The following ST6GALNAC5 variants were observed in gnomAD, a reference collection of about 807,000 sequenced individuals.
The protein encoded by ST6GALNAC5 is alpha-N-acetylgalactosaminide alpha-2,6-sialyltransferase 5.
Under a neutral mutation model 33.6 loss-of-function variants are expected in ST6GALNAC5, and 27 were observed. The observed-to-expected ratio is 0.80, with a 90% CI of 0.59 to 1.11. ST6GALNAC5 has a LOEUF of 1.11. ST6GALNAC5 is among the 50% of genes least tolerant of loss of function. The probability of loss-of-function intolerance (pLI) is 0.00; values close to 1 mark genes in which losing one functional copy is unlikely to be tolerated. For missense variants in ST6GALNAC5, 428 were observed against 454.0 expected (o/e 0.94, Z 0.52); for synonymous variants, 194 against 171.2 (o/e 1.13, Z -1.04).
At chr1:77,023,506 A>G (rs1651126837) in intron 2 of ST6GALNAC5, among the ~76,000 whole-genome samples, 1 of 152,004 alleles carries the variant, frequency 6.6e-6, no homozygotes, top group East Asian at 1.9e-4. Context: ...GAGCAACTGG[A>G]GGTTTGTGCT....
At chr1:76,956,037 C>A (rs1341923135) in intron 2 of ST6GALNAC5, among the ~76,000 whole-genome samples, 1 of 152,130 alleles carries the variant, frequency 6.6e-6, no homozygotes, top group African/African-American at 2.4e-5. Flanking sequence ...TCTCTAATTT[C>A]TTTTATTATC....
rs946010267 is a variant in ST6GALNAC5, at chr1:77,011,246, A to T, written c.262-32958A>T. Among the ~76,000 whole-genome samples, 24 of 152,190 alleles carry T rather than the reference A, an allele frequency of 1.6e-4. 1 individual carries two copies. Among genetic ancestry groups the T allele is most frequent in the Admixed American group, 1.4e-3 (21 of 15,274 alleles). On this transcript the variant is annotated intron_variant, in intron 2 of 4. Coordinates refer to ENST00000477717, the MANE Select transcript of ST6GALNAC5 (RefSeq NM_030965.3). ...CACTGCCTCCCCAAGCAGCATTCAG[A>T]TATGTAGAAACGGTCTTGTTTTACG...
At chr1:76,888,683 T>A (rs1314880859) in intron 2 of ST6GALNAC5, among the ~76,000 whole-genome samples, 3 of 152,134 alleles carry the variant, frequency 2.0e-5, no homozygotes, top group Non-Finnish European at 4.4e-5. Context: ...TTTTAGCCTG[T>A]ATTAGTTTAA....
intron 2 of ST6GALNAC5, among the ~76,000 whole-genome samples, chr1:76,987,941 C>A (rs1034577979): frequency 2.0e-5 from 3 of 152,134 alleles, no homozygotes; most frequent in African/African-American, 4.8e-5. Flanking sequence ...AGGAAGTTTT[C>A]TTCGATTAGT....
intron 2 of ST6GALNAC5, among the ~76,000 whole-genome samples, chr1:77,009,859 T>C (rs1173944948): frequency 6.6e-6 from 1 of 152,238 alleles, no homozygotes; most frequent in African/African-American, 2.4e-5. Flanking sequence ...TAAAATACTT[T>C]TTTTTAATAG....
At chr1:76,869,475 C>T (rs1478110459) in intron 2 of ST6GALNAC5, among the ~76,000 whole-genome samples, 2 of 152,178 alleles carry the variant, frequency 1.3e-5, no homozygotes, top group Non-Finnish European at 2.9e-5. Flanking sequence ...ATCAAGTTTG[C>T]TGATTCTGAA....
chr1:76,944,118 A>C (rs1647428764), intron 2 of ST6GALNAC5, among the ~76,000 whole-genome samples: 1 of 152,112 alleles, frequency 6.6e-6, no homozygotes, highest in African/African-American at 2.4e-5. Context: ...AATAGTTTTC[A>C]TTCTGGTACA....
chr1:76,909,626 T>C (rs1253406355), intron 2 of ST6GALNAC5, among the ~76,000 whole-genome samples: 2 of 152,020 alleles, frequency 1.3e-5, no homozygotes, highest in Non-Finnish European at 2.9e-5. Flanking sequence ...TTCCCAACTT[T>C]TATATTAAGA....
At position 76,966,751 on chromosome 1, in the gene ST6GALNAC5, T is replaced by C. The variant is rs557924798; in HGVS notation, c.262-77453T>C. On this transcript the variant is annotated intron_variant, in intron 2 of 4. Coordinates refer to ENST00000477717, the MANE Select transcript of ST6GALNAC5 (RefSeq NM_030965.3). ...CTGTGGGTTTGTCATAAATAGCTCT[T>C]ATTATTTTGAGATACGTTCCATCAA... Among the ~76,000 whole-genome samples, 15 of 152,336 alleles carry C rather than the reference T, an allele frequency of 9.8e-5. No homozygotes were observed. The South Asian group carries it at 3.1e-3, about 32-fold the overall frequency.
chr1:76,922,707 T>C (rs948205179), intron 2 of ST6GALNAC5, among the ~76,000 whole-genome samples: 6 of 151,918 alleles, frequency 3.9e-5, no homozygotes, highest in Non-Finnish European at 5.9e-5. Context: ...TTTTTGACAA[T>C]GGTGCAAAAG....
Position 77,063,954 on chromosome 1 carries a change from G to A in ST6GALNAC5, c.*748G>A, listed in dbSNP as rs1652687579. The A allele has an allele frequency of 6.6e-6, 1 of 152,480 alleles. No homozygotes were observed. The highest frequency in any genetic ancestry group is 2.1e-4 in the South Asian group (1 of 4,820). 9.4% of individuals were successfully genotyped at this position (152,480 alleles called of 1,614,324 possible). A position where few individuals can be genotyped will look rare whatever the true frequency, so the allele number is the denominator to read the frequency against. On this transcript the variant is annotated 3_prime_UTR_variant, in exon 5 of 5. Coordinates refer to ENST00000477717, the MANE Select transcript of ST6GALNAC5 (RefSeq NM_030965.3). The stretch of plus-strand genomic sequence containing the variant: ...TAGGCTTCAGGAAAACTGCTCTTTT[G>A]TAAAAAGAATAGCGATGACATTTTC...
intron 2 of ST6GALNAC5, among the ~76,000 whole-genome samples, chr1:76,941,193 C>T (rs1276731321): frequency 6.6e-6 from 1 of 152,072 alleles, no homozygotes; most frequent in Admixed American, 6.6e-5. Context: ...CTCATAAATA[C>T]TACCTTTGTG....
At chr1:76,903,260 C>T (rs1381081144) in intron 2 of ST6GALNAC5, among the ~76,000 whole-genome samples, 2 of 152,158 alleles carry the variant, frequency 1.3e-5, no homozygotes, top group East Asian at 1.9e-4. Context: ...AGAAGGCATA[C>T]AAATAGACAA....
chr1:76,917,420 T>C (rs1340894629), intron 2 of ST6GALNAC5, among the ~76,000 whole-genome samples: 1 of 152,110 alleles, frequency 6.6e-6, no homozygotes, highest in African/African-American at 2.4e-5. Context: ...TCATAATCTA[T>C]TATTGATCTA....
chr1:76,995,328 T>A (rs4949646), intron 2 of ST6GALNAC5: 27,660 of 152,132 alleles, frequency 0.18, 2,624 homozygotes, highest in East Asian at 0.32. Context: ...AGCCCAGGAG[T>A]TTGAGGCTGC....
At chr1:76,919,755 A>C (rs1236321039) in intron 2 of ST6GALNAC5, among the ~76,000 whole-genome samples, 1 of 151,970 alleles carries the variant, frequency 6.6e-6, no homozygotes, top group Non-Finnish European at 1.5e-5. Context: ...AAACAAACAA[A>C]CTTCTGACCT....
chr1:77,011,285 C>T (rs141103668), intron 2 of ST6GALNAC5, among the ~76,000 whole-genome samples: 20 of 152,238 alleles, frequency 1.3e-4, no homozygotes, highest in Admixed American at 7.2e-4. Flanking sequence ...CTTGGTGCCT[C>T]GGGCCTGTAC....
chr1:77,036,558 C>T (rs1651653778), intron 2 of ST6GALNAC5, among the ~76,000 whole-genome samples: 2 of 152,200 alleles, frequency 1.3e-5, no homozygotes, highest in Admixed American at 6.5e-5. Context: ...ATTCCAAATA[C>T]TGGGCTTTAG....
At position 76,888,231 on chromosome 1, in the gene ST6GALNAC5, G is replaced by C. The variant is rs1233863080; in HGVS notation, c.261+19489G>C. 2.0e-5 allele frequency among the ~76,000 whole-genome samples: 3 copies of C among 152,046 alleles called. No individual in the cohort carries two copies. The East Asian group carries it at 5.8e-4, about 29-fold the overall frequency. On this transcript the variant is annotated intron_variant, in intron 2 of 4. Coordinates refer to ENST00000477717, the MANE Select transcript of ST6GALNAC5 (RefSeq NM_030965.3). ...CTTCTCAAACATTAATGGTACATAT[G>C]CATCACCCGGAGAAGCTTCTTAAAA... is the stretch of plus-strand genomic sequence containing the variant.
Sources: allele counts gnomAD v4.1 joint callset (sites outside exome capture counted in the v4.1 genomes callset), GRCh38; gene constraint gnomAD v4.1.1; transcripts MANE v1.5; gene names NCBI Gene and HGNC (gene_info 2026-07-23, HGNC 2026-07-21).